Variants in MAP3K1 observed in about 807,000 individuals in gnomAD.
MAP3K1 encodes MAP/ERK kinase kinase 1.
Under a neutral mutation model 144.2 loss-of-function variants are expected in MAP3K1, and 36 were observed. The ratio of observed to expected loss-of-function variants is 0.25; its 90% confidence interval spans 0.19 to 0.33. MAP3K1 has a LOEUF of 0.33. Ranked by LOEUF, MAP3K1 falls within the 10% of genes least tolerant of loss-of-function variation. The pLI is 1.00. For synonymous variants in MAP3K1, 718 were observed against 688.7 expected, an observed-to-expected ratio of 1.04 and a Z score of -0.67; for missense variants, 1,650 against 1,881.9, an observed-to-expected ratio of 0.88 and a Z score of 2.28.
chr5:56,863,085 C>T (rs894167096), intron 3 of MAP3K1, among the ~76,000 whole-genome samples: 1 of 152,158 alleles, frequency 6.6e-6, no homozygotes, highest in Non-Finnish European at 1.5e-5. Flanking sequence ...TAACTAGGGA[C>T]TTTGCATAAT....
rs1452902451 is a variant in MAP3K1, at chr5:56,815,789, G to A, written c.216G>A (p.Gln72=). 7.0e-7 allele frequency: 1 copy of A among 1,420,480 alleles called. No homozygotes were observed. Among genetic ancestry groups the A allele is most frequent in the African/African-American group, 1.5e-5 (1 of 67,678 alleles). 88.0% of individuals were successfully genotyped at this position (1,420,480 alleles called of 1,614,324 possible). ...AAGTGCGGAGTGTGGAGCTGGACCA[G>A]CTGCCTGAGCAGCCGCTCTTCCTTG... ...LRKVRSVELD[Q]LPEQPLFLAA... The change falls in exon 1 of 20, where the codon CAG becomes CAA. Residue 72 remains glutamine, a synonymous_variant. Transcript: ENST00000399503.
intron 1 of MAP3K1, among the ~76,000 whole-genome samples, chr5:56,849,116 G>A (rs1045545957): frequency 6.6e-6 from 1 of 152,186 alleles, no homozygotes; most frequent in African/African-American, 2.4e-5. Flanking sequence ...GGAGGCCAGG[G>A]CGGGCAGAGT....
At chr5:56,829,214 C>G (rs1746412510) in intron 1 of MAP3K1, among the ~76,000 whole-genome samples, 1 of 151,168 alleles carries the variant, frequency 6.6e-6, no homozygotes, top group South Asian at 2.1e-4. Context: ...CAGGGTCTCA[C>G]TCCTTCACCC....
intron 1 of MAP3K1, among the ~76,000 whole-genome samples, chr5:56,853,671 G>C (rs1313728132): frequency 6.6e-6 from 1 of 152,188 alleles, no homozygotes; most frequent in Non-Finnish European, 1.5e-5. Context: ...TTGAAATTGG[G>C]AAAGTCTCTG....
intron 10 of MAP3K1, among the ~76,000 whole-genome samples, chr5:56,877,979 G>A (rs950576582): frequency 3.3e-5 from 5 of 152,152 alleles, no homozygotes; most frequent in Admixed American, 2.0e-4. Flanking sequence ...TGGAAGTTAC[G>A]TATTTTTCAC....
chr5:56,889,377 C>A (rs1293659709), intron 19 of MAP3K1, among the ~76,000 whole-genome samples: 1 of 152,132 alleles, frequency 6.6e-6, no homozygotes, highest in Admixed American at 6.5e-5. Context: ...CCATATTGGC[C>A]AGGCTGGTCT....
intron 1 of MAP3K1, among the ~76,000 whole-genome samples, chr5:56,823,798 T>G: frequency 6.6e-6 from 1 of 152,258 alleles, no homozygotes; most frequent in Admixed American, 6.5e-5. Flanking sequence ...AGAGAGCAAA[T>G]AGCTATACTG....
intron 4 of MAP3K1, 68 bp downstream of exon 4, chr5:56,865,002 A>C: frequency 7.3e-7 from 1 of 1,360,744 alleles, no homozygotes; most frequent in Non-Finnish European, 1.0e-6. Flanking sequence ...TTTATATACT[A>C]TAATGTTCTT....
intron 3 of MAP3K1, among the ~76,000 whole-genome samples, chr5:56,860,346 T>C (rs1747468836): frequency 1.3e-5 from 2 of 152,206 alleles, no homozygotes; most frequent in African/African-American, 4.8e-5. Flanking sequence ...TTGTGTGTGA[T>C]GAAATGGGAT....
Position 56,881,064 on chromosome 5 carries a change from T to C in MAP3K1, c.2180-19T>C. 1 of 1,587,134 alleles carries C rather than the reference T, an allele frequency of 6.3e-7. No individual in the cohort carries two copies. Among genetic ancestry groups the C allele is most frequent in the South Asian group, 1.1e-5 (1 of 89,764 alleles). ...TATCACTATTTTTTAATCATTTATT[T>C]TTACTTTCCTTTTTGTAGGATCCAT... On this transcript the variant is annotated intron_variant, in intron 12 of 19. Transcript: ENST00000399503.
At chr5:56,839,341 C>T (rs1213650072) in intron 1 of MAP3K1, among the ~76,000 whole-genome samples, 1 of 152,076 alleles carries the variant, frequency 6.6e-6, no homozygotes, top group Non-Finnish European at 1.5e-5. Context: ...TTCCACTTGT[C>T]GATTGGATTA....
At position 56,815,836 on chromosome 5, in the gene MAP3K1, C is replaced by T. The variant is rs982925395; in HGVS notation, c.263C>T (p.Ser88Leu). Reference protein sequence around the residue: ...LFLAASPPASSTSPSPEPADA... With the variant: ...LFLAASPPASLTSPSPEPADA... ...CTTGCCGCCTCACCGCCGGCCTCCT[C>T]GACTTCCCCGTCGCCGGAGCCCGCG... The change falls in exon 1 of 20, where the codon TCG (serine) becomes TTG (leucine). Residue 88 changes from serine (S) to leucine (L), a missense_variant. Around this residue, in one of 6 missense-constraint regions of MAP3K1, gnomAD observed 360 missense variants for 274.7 expected, o/e 1.31. Coordinates refer to ENST00000399503, the MANE Select transcript of MAP3K1 (RefSeq NM_005921.2). 7.1e-7 allele frequency: 1 copy of T among 1,409,434 alleles called. No homozygotes were observed. The highest frequency in any genetic ancestry group is 9.3e-7 in the Non-Finnish European group (1 of 1,077,494). 87.3% of individuals were successfully genotyped at this position (1,409,434 alleles called of 1,614,324 possible).
intron 1 of MAP3K1, among the ~76,000 whole-genome samples, chr5:56,826,115 C>T (rs148620028): frequency 4.0e-4 from 61 of 152,088 alleles, no homozygotes; most frequent in African/African-American, 1.5e-3. Context: ...AGCTGATCAC[C>T]CTTCTTTCTC....
intron 1 of MAP3K1, among the ~76,000 whole-genome samples, chr5:56,825,595 A>T (rs1213939912): frequency 5.3e-5 from 8 of 152,294 alleles, no homozygotes; most frequent in Admixed American, 5.2e-4. Context: ...CCTTGCATTC[A>T]GATCTCCATG....
At chr5:56,834,641 G>C (rs1198497815) in intron 1 of MAP3K1, among the ~76,000 whole-genome samples, 1 of 152,128 alleles carries the variant, frequency 6.6e-6, no homozygotes, top group East Asian at 1.9e-4. Context: ...CCCGAGAGGC[G>C]GATGTTGCAG....
chr5:56,827,957 T>C (rs1487937645), intron 1 of MAP3K1, among the ~76,000 whole-genome samples: 3 of 152,074 alleles, frequency 2.0e-5, no homozygotes, highest in Non-Finnish European at 4.4e-5. Flanking sequence ...ATTTCTTGTC[T>C]CTAAAATGGG....
intron 1 of MAP3K1, among the ~76,000 whole-genome samples, chr5:56,825,213 A>G (rs1746275825): frequency 6.6e-6 from 1 of 152,094 alleles, no homozygotes; most frequent in Non-Finnish European, 1.5e-5. Context: ...GGGTTTCACC[A>G]TGTTGGCCAG....
In MAP3K1 at chr5:56,855,685, GGTATTTCCTTGA is replaced by G. The variant is rs201508989; in HGVS notation, c.483-904_483-893del. On this transcript the variant is annotated intron_variant, in intron 1 of 19. Transcript: ENST00000399503. ...TAGTAAACTTGAGGTTCTTGTTTTT[GGTATTTCCTTGA>G]GTATTTCCTTTTCCTATCAGTGTAG... 5.8e-3 allele frequency among the ~76,000 whole-genome samples: 875 copies of G among 152,118 alleles called. 5 individuals are homozygous for G. The highest frequency in any genetic ancestry group is 0.019 in the African/African-American group (798 of 41,486).
chr5:56,820,438 A>G (rs1176982835), intron 1 of MAP3K1: 1 of 984,838 alleles, frequency 1.0e-6, no homozygotes, highest in East Asian at 1.1e-4. Context: ...ACCATGAGCT[A>G]GGTCTCTACC....
Sources: gnomAD v4.1 joint callset for allele counts (sites outside exome capture counted in the v4.1 genomes callset) on GRCh38, gnomAD v4.1.1 for gene constraint, gnomAD v4.1.1 regional missense constraint, MANE v1.5 for transcripts, NCBI Gene and HGNC (gene_info 2026-07-23, HGNC 2026-07-21) for gene names.